Variants in CLASP1 observed in about 807,000 individuals in gnomAD.
CLASP1 encodes cytoplasmic linker associated protein 1.
CLASP1 carries 38 observed loss-of-function variants against 192.3 expected under a neutral mutation model. The observed-to-expected ratio is 0.20, with a 90% confidence interval of 0.15 to 0.26. The LOEUF (loss-of-function observed/expected upper bound fraction) is 0.26. Among genes scored for constraint, CLASP1 ranks in the 10% least tolerant of loss-of-function variants. The probability of loss-of-function intolerance (pLI) is 1.00; values close to 1 mark genes in which losing one functional copy is unlikely to be tolerated. For missense variants in CLASP1, 1,433 were observed against 1,932.5 expected (o/e 0.74, Z 4.85); for synonymous variants, 691 against 712.8 (o/e 0.97, Z 0.49).
intron 2 of CLASP1, among the ~76,000 whole-genome samples, chr2:121,570,198 A>C (rs1162589412): frequency 6.6e-6 from 1 of 152,052 alleles, no homozygotes; most frequent in African/African-American, 2.4e-5. Flanking sequence ...CTCCCCACCC[A>C]ACTCCCAAAG....
intron 10 of CLASP1, among the ~76,000 whole-genome samples, chr2:121,461,979 A>G (rs896684356): frequency 5.3e-5 from 8 of 152,172 alleles, no homozygotes; most frequent in Non-Finnish European, 1.0e-4. Flanking sequence ...TGCCACAGGA[A>G]TCCAGAGCAC....
intron 2 of CLASP1, among the ~76,000 whole-genome samples, chr2:121,594,419 G>A (rs939098754): frequency 6.6e-6 from 1 of 150,592 alleles, no homozygotes; most frequent in Non-Finnish European, 1.5e-5. Flanking sequence ...AAGAGACGGA[G>A]TCTTGCTCTG....
intron 8 of CLASP1, among the ~76,000 whole-genome samples, chr2:121,493,671 G>A (rs1441777817): frequency 6.6e-6 from 1 of 151,234 alleles, no homozygotes; most frequent in Non-Finnish European, 1.5e-5. Flanking sequence ...CAAAATGCAA[G>A]AAAATATTTG....
intron 8 of CLASP1, among the ~76,000 whole-genome samples, chr2:121,478,781 ACC>A (rs1559366949): frequency 2.6e-5 from 1 of 38,544 alleles, no homozygotes; most frequent in Non-Finnish European, 4.7e-5. Context: ...CCACACACAC[ACC>A]CCACACACAC....
intron 25 of CLASP1, among the ~76,000 whole-genome samples, chr2:121,405,475 T>C (rs971365304): frequency 6.6e-6 from 1 of 152,200 alleles, no homozygotes; most frequent in Non-Finnish European, 1.5e-5. Flanking sequence ...TCATTTCACA[T>C]TGGTGCCCTT....
chr2:121,411,026 C>A, intron 23 of CLASP1, 57 bp from the exon 25 acceptor site: 1 of 1,093,246 alleles, frequency 9.1e-7, no homozygotes, highest in East Asian at 2.5e-5. Flanking sequence ...ATTTCAATTC[C>A]TTGCAAGGAC....
At chr2:121,344,362 C>T (rs773045923) in intron 39 of CLASP1, among the ~76,000 whole-genome samples, 5 of 151,368 alleles carry the variant, frequency 3.3e-5, no homozygotes, top group Non-Finnish European at 7.4e-5. Flanking sequence ...GACAGAGTTT[C>T]GCTCTGTCAC....
chr2:121,498,903 A>G (rs2093636216), intron 8 of CLASP1, among the ~76,000 whole-genome samples: 1 of 152,244 alleles, frequency 6.6e-6, no homozygotes, highest in African/African-American at 2.4e-5. Context: ...ACTATAATGA[A>G]AAAGATAGAC....
chr2:121,493,528 CAAACTATA>C (rs1200701873), intron 8 of CLASP1, among the ~76,000 whole-genome samples: 1 of 152,142 alleles, frequency 6.6e-6, no homozygotes, highest in Non-Finnish European at 1.5e-5. Context: ...CCTAAGACCT[CAAACTATA>C]AAACTACTAA....
intron 37 of CLASP1, 141 bp from the exon 39 acceptor site, chr2:121,348,859 T>TA: frequency 3.9e-6 from 3 of 774,844 alleles, no homozygotes; most frequent in Non-Finnish European, 6.1e-6. Flanking sequence ...GCTCAATTGT[T>TA]AAACACAGAG....
At chr2:121,354,318 G>A (rs1403416196) in intron 37 of CLASP1, among the ~76,000 whole-genome samples, 1 of 152,180 alleles carries the variant, frequency 6.6e-6, no homozygotes, top group Non-Finnish European at 1.5e-5. Context: ...CTTCAGCTCA[G>A]GTTTTTCCAG....
chr2:121,418,639 C>T (rs1049090250), exon 23 of CLASP1: 10 of 1,613,172 alleles, frequency 6.2e-6, no homozygotes, highest in South Asian at 3.3e-5. Flanking sequence ...AGGAAAGCCC[C>T]GAGCAGGGCT....
intron 1 of CLASP1, among the ~76,000 whole-genome samples, chr2:121,615,723 G>T (rs560066470): frequency 8.5e-5 from 13 of 152,248 alleles, no homozygotes; most frequent in African/African-American, 2.9e-4. Flanking sequence ...GGTGCAAGTT[G>T]CAGTGAGCCA....
intron 8 of CLASP1, among the ~76,000 whole-genome samples, chr2:121,472,351 T>C (rs563160741): frequency 3.3e-5 from 5 of 152,240 alleles, no homozygotes; most frequent in South Asian, 4.2e-4. Context: ...CCTGACAGTA[T>C]ATATAAAAGA....
chr2:121,431,954 A>G (rs570520780), intron 19 of CLASP1, among the ~76,000 whole-genome samples: 216 of 152,280 alleles, frequency 1.4e-3, no homozygotes, highest in Non-Finnish European at 2.6e-3. Flanking sequence ...CAATGTTGAA[A>G]TAAATTTACT....
Position 121,430,821 on chromosome 2 carries a change from T to C in CLASP1, c.1913-644A>G, listed in dbSNP as rs146907029. On this transcript the variant is annotated intron_variant, in intron 19 of 39. Coordinates refer to ENST00000263710, the Ensembl canonical transcript of CLASP1. ...AGCTAAAAAGAATCAGTATTAGGAGTACCTAGAGAAATGATGGCCCAAAGA... is the reference window on the plus strand; with the variant it reads ...AGCTAAAAAGAATCAGTATTAGGAGCACCTAGAGAAATGATGGCCCAAAGA... Among the ~76,000 whole-genome samples, 315 of 151,562 alleles carry C rather than the reference T, an allele frequency of 2.1e-3. 1 individual carries two copies. Among genetic ancestry groups the C allele is most frequent in the African/African-American group, 7.2e-3 (296 of 41,340 alleles).
intron 1 of CLASP1, among the ~76,000 whole-genome samples, chr2:121,611,104 A>G (rs1313479900): frequency 4.2e-3 from 248 of 59,260 alleles, no homozygotes; most frequent in East Asian, 9.7e-3. Flanking sequence ...GTTACAGGAG[A>G]AAGAGGAACT....
chr2:121,353,696 TC>T (rs2064902682), intron 37 of CLASP1, among the ~76,000 whole-genome samples: 1 of 152,256 alleles, frequency 6.6e-6, no homozygotes, highest in South Asian at 2.1e-4. Flanking sequence ...TAGCTATCTT[TC>T]TATTCCCATG....
chr2:121,591,101 C>G (rs1428294332), intron 2 of CLASP1, among the ~76,000 whole-genome samples: 1 of 152,028 alleles, frequency 6.6e-6, no homozygotes, highest in African/African-American at 2.4e-5. Flanking sequence ...CTCCTGACCT[C>G]GTGATCCGCC....
Sources: gnomAD v4.1 joint callset for allele counts (sites outside exome capture counted in the v4.1 genomes callset) on GRCh38, gnomAD v4.1.1 for gene constraint, MANE v1.5 for transcripts, NCBI Gene and HGNC (gene_info 2026-07-23, HGNC 2026-07-21) for gene names.